ZMYM2: variants seen among roughly 807,000 people sequenced by gnomAD.
The protein encoded by ZMYM2 is zinc finger MYM-type protein 2.
In ZMYM2, 56 loss-of-function variants were observed where a neutral mutation model predicts 162.8. The observed-to-expected ratio is 0.34, with a 90% confidence interval of 0.28 to 0.43. The LOEUF (loss-of-function observed/expected upper bound fraction) is 0.43. Among genes scored for constraint, ZMYM2 ranks in the 20% least tolerant of loss-of-function variants. The pLI, the probability that ZMYM2 is intolerant of heterozygous loss-of-function variation, is 1.00. For synonymous variants in ZMYM2, 510 were observed against 541.6 expected (o/e 0.94, Z 0.81); for missense variants, 1,275 against 1,621.8 (o/e 0.79, Z 3.67).
rs1475093756 is a variant in ZMYM2 at position 20,036,786 on chromosome 13, A to G, written c.2169A>G (p.Arg723=). The stretch of plus-strand genomic sequence containing the variant: ...ATTTTGCCAGACGTTTAGGATTGAG[A>G]TGTGTTACTTGCAACTATTGTTCTC... ...KQDFARRLGL[R]CVTCNYCSQL... is the part of the protein sequence containing the mutation. Residue 723 remains arginine, a synonymous_variant, in exon 12 of 25, where the codon AGA becomes AGG. Coordinates refer to ENST00000610343, the MANE Select transcript of ZMYM2 (RefSeq NM_197968.4). The G allele has an allele frequency of 6.2e-7, 1 of 1,601,660 alleles. No homozygotes were observed. The highest frequency in any genetic ancestry group is 8.5e-7 in the Non-Finnish European group (1 of 1,173,590).
At chr13:19,940,733 T>C in the ZMYM2 span, among the ~76,000 whole-genome samples, 1 of 152,320 alleles carries the variant, frequency 6.6e-6, no homozygotes, top group South Asian at 2.1e-4. Context: ...ATTTTCTCAG[T>C]GCACTACGGG....
intron 21 of ZMYM2, among the ~76,000 whole-genome samples, chr13:20,081,241 C>T (rs1311745357): frequency 6.6e-6 from 1 of 152,164 alleles, no homozygotes; most frequent in African/African-American, 2.4e-5. Context: ...CTTTAATTAA[C>T]ATGTCTGCAT....
chr13:19,892,119 T>G, the ZMYM2 span, among the ~76,000 whole-genome samples: 1 of 151,742 alleles, frequency 6.6e-6, no homozygotes, highest in Non-Finnish European at 1.5e-5. Flanking sequence ...TTTTAAATTT[T>G]TTTTGTAGAA....
intron 3 of ZMYM2, among the ~76,000 whole-genome samples, chr13:19,997,820 T>C (rs1298700297): frequency 2.0e-5 from 3 of 152,216 alleles, no homozygotes; most frequent in African/African-American, 4.8e-5. Context: ...ATTCCTGCCA[T>C]TCCTTTTAAT....
At chr13:19,970,055 G>C in intron 2 of ZMYM2, 1 of 985,268 alleles carries the variant, frequency 1.0e-6, no homozygotes, top group Non-Finnish European at 1.2e-6. Flanking sequence ...TGGAACATTT[G>C]AAGTCACGTA....
At chr13:19,975,326 A>G (rs373347234) in intron 2 of ZMYM2, among the ~76,000 whole-genome samples, 11 of 152,208 alleles carry the variant, frequency 7.2e-5, no homozygotes, top group Non-Finnish European at 1.5e-4. Flanking sequence ...AATAGAAACC[A>G]TACTCATTAG....
intron 4 of ZMYM2, among the ~76,000 whole-genome samples, chr13:20,003,655 C>T (rs1324717792): frequency 6.7e-6 from 1 of 148,230 alleles, no homozygotes; most frequent in African/African-American, 2.5e-5. Flanking sequence ...TTTTTTTAGG[C>T]AGAGTCTCAT....
the ZMYM2 span, among the ~76,000 whole-genome samples, chr13:19,885,177 C>T: frequency 2.6e-5 from 4 of 152,140 alleles, no homozygotes; most frequent in South Asian, 2.1e-4. Context: ...AGAAGGCTGA[C>T]GTGGGAGAAT....
At chr13:19,882,156 G>A in the ZMYM2 span, among the ~76,000 whole-genome samples, 1 of 152,012 alleles carries the variant, frequency 6.6e-6, no homozygotes, top group African/African-American at 2.4e-5. Flanking sequence ...TACAAAAGCC[G>A]AGCAGTGAAA....
At chr13:19,915,446 T>TCTTTCTTTCTTTCTTTCTTTCTTC in the ZMYM2 span, among the ~76,000 whole-genome samples, 2 of 148,522 alleles carry the variant, frequency 1.3e-5, no homozygotes, top group South Asian at 2.2e-4. Context: ...TTTCTTCCTT[T>TCTTTCTTTCTTTCTTTCTTTCTTC]CTTTCTTTCT....
At chr13:19,969,294 C>T (rs1263057253) in intron 2 of ZMYM2, among the ~76,000 whole-genome samples, 1 of 152,148 alleles carries the variant, frequency 6.6e-6, no homozygotes, top group African/African-American at 2.4e-5. Context: ...GTTTATTAGG[C>T]CAGTTCACTA....
chr13:20,034,414 A>G lies in ZMYM2; in HGVS notation c.2119+10A>G, dbSNP rs200419076. On this transcript the variant is annotated intron_variant, in intron 11 of 24. Coordinates refer to ENST00000610343, the MANE Select transcript of ZMYM2 (RefSeq NM_197968.4). The stretch of plus-strand genomic sequence containing the variant: ...CCTTTCTGTAGTGAAGGCAAGTTGC[A>G]TATACAGTGTTGTTCATAACATTTA... 7.0e-6 allele frequency: 11 copies of G among 1,573,650 alleles called. No individual in the cohort carries two copies. Among genetic ancestry groups the G allele is most frequent in the Middle Eastern group, 1.8e-4 (1 of 5,410 alleles).
the ZMYM2 span, among the ~76,000 whole-genome samples, chr13:19,936,693 G>A: frequency 7.6e-4 from 115 of 152,184 alleles, no homozygotes; most frequent in African/African-American, 2.6e-3. Context: ...CTGCACTCCA[G>A]CCTGGGCAAA....
chr13:19,945,070 A>T, the ZMYM2 span, among the ~76,000 whole-genome samples: 1 of 152,226 alleles, frequency 6.6e-6, no homozygotes, highest in South Asian at 2.1e-4. Context: ...TGAGACTATT[A>T]TAAAGAACTA....
intron 2 of ZMYM2, among the ~76,000 whole-genome samples, chr13:19,966,601 C>T (rs1005600124): frequency 1.3e-5 from 2 of 151,832 alleles, no homozygotes; most frequent in Non-Finnish European, 2.9e-5. Flanking sequence ...GCCACCACGC[C>T]GGGCTGATTT....
At position 20,059,568 on chromosome 13, in the gene ZMYM2, T is replaced by TA; in HGVS notation, c.2739+6_2739+7insA. 1 of 1,133,884 alleles carries TA rather than the reference T, an allele frequency of 8.8e-7. No homozygotes were observed. The highest frequency in any genetic ancestry group is 1.2e-5 in the South Asian group (1 of 81,312). 70.2% of individuals were successfully genotyped at this position (1,133,884 alleles called of 1,614,324 possible). ...CTACTACAGTTCCTGTTCCTGTAAG[T>TA]CACATTTTAAGTTCTTTCTCATTTT... On this transcript the variant is annotated splice_region_variant and intron_variant, in intron 16 of 24. Coordinates refer to ENST00000610343, the MANE Select transcript of ZMYM2 (RefSeq NM_197968.4).
the ZMYM2 span, among the ~76,000 whole-genome samples, chr13:19,951,006 GA>G: frequency 6.6e-6 from 1 of 152,198 alleles, no homozygotes; most frequent in East Asian, 1.9e-4. Flanking sequence ...TAAAACGTAA[GA>G]TTTTTTTGTG....
chr13:20,080,461 T>A (rs2070850242), intron 21 of ZMYM2, among the ~76,000 whole-genome samples: 1 of 152,078 alleles, frequency 6.6e-6, no homozygotes, highest in African/African-American at 2.4e-5. Flanking sequence ...ACCTTGCCTT[T>A]AAAAAAATTG....
intron 12 of ZMYM2, among the ~76,000 whole-genome samples, chr13:20,050,533 A>G (rs1388478147): frequency 2.0e-5 from 3 of 152,024 alleles, no homozygotes. Context: ...TCATTTCTAG[A>G]TCAGAAACTT....
Sources: gnomAD v4.1 joint callset for allele counts (sites outside exome capture counted in the v4.1 genomes callset) on GRCh38, gnomAD v4.1.1 for gene constraint, MANE v1.5 for transcripts, NCBI Gene and HGNC (gene_info 2026-07-23, HGNC 2026-07-21) for gene names.